Variants in CCDC192 observed in about 807,000 individuals in gnomAD.
CCDC192 encodes the protein coiled-coil domain-containing protein 192.
chr5:127,788,627 G>A (rs1756697337), intron 3 of CCDC192, among the ~76,000 whole-genome samples: 1 of 151,986 alleles, frequency 6.6e-6, no homozygotes, highest in Non-Finnish European at 1.5e-5. Context: ...TTTTGTGTTT[G>A]ATTGATATTT....
In CCDC192 at chr5:127,747,273, C is replaced by A. The variant is rs1269182863; in HGVS notation, c.115-6995C>A. Among the ~76,000 whole-genome samples the A allele has an allele frequency of 1.8e-4, 27 of 151,512 alleles. No individual in the cohort carries two copies. In the East Asian group the frequency reaches 3.3e-3, roughly 19 times the overall value. On this transcript the variant is annotated intron_variant, in intron 2 of 6. Coordinates refer to ENST00000514853, the MANE Select transcript of CCDC192 (RefSeq NM_001317938.2). ...CCTCCCCCCTCTCCCCACCCCGCAA[C>A]AGTCCCCAGAGTGTGATGTTCCCCT... is the stretch of plus-strand genomic sequence containing the variant.
chr5:127,830,861 GTAAAAATTTAAATT>G (rs568567721), intron 5 of CCDC192, among the ~76,000 whole-genome samples: 44 of 151,694 alleles, frequency 2.9e-4, no homozygotes, highest in African/African-American at 1.1e-3. Context: ...TTATGAAAAA[GTAAAAATTTAAATT>G]TATCTAAACA....
Position 127,797,731 on chromosome 5 carries a change from GTATATATATATA to G in CCDC192, c.355-339_355-328del, listed in dbSNP as rs146458343. The stretch of plus-strand genomic sequence containing the variant: ...TATATGGATATGATTTCATGTGAAG[GTATATATATATA>G]TATATATATATATATATATATATAT... On this transcript the variant is annotated intron_variant, in intron 4 of 6. Transcript: ENST00000514853. Among the ~76,000 whole-genome samples the G allele has an allele frequency of 3.8e-3, 81 of 21,054 alleles. 1 individual carries two copies. The highest frequency in any genetic ancestry group is 0.033 in the South Asian group (21 of 638). 13.8% of individuals were successfully genotyped at this position (21,054 alleles called of 152,430 possible).
chr5:127,803,797 T>C (rs942237183), intron 5 of CCDC192, among the ~76,000 whole-genome samples: 5 of 152,170 alleles, frequency 3.3e-5, no homozygotes, highest in African/African-American at 9.7e-5. Flanking sequence ...AAAATGGAAA[T>C]CTGGGTAATT....
In CCDC192 at chr5:127,832,286, G is replaced by A. The variant is rs996031858; in HGVS notation, c.411+34124G>A. On this transcript the variant is annotated intron_variant, in intron 5 of 6. Transcript: ENST00000514853. ...AAAATAGGAAGTCTTGCAAAATGCT[G>A]GTAAGAGTTTACACTGGCGGAATCA... Among the ~76,000 whole-genome samples the A allele has an allele frequency of 3.3e-5, 5 of 152,262 alleles. No homozygotes were observed. In the East Asian group the frequency reaches 9.7e-4, roughly 29 times the overall value.
At chr5:127,722,311 CTT>C (rs200224246) in intron 2 of CCDC192, among the ~76,000 whole-genome samples, 103 of 145,692 alleles carry the variant, frequency 7.1e-4, no homozygotes, top group African/African-American at 2.5e-3. Flanking sequence ...AATTAGAGTA[CTT>C]TTTTTTTTTT....
At chr5:127,745,788 G>A (rs1237556704) in intron 2 of CCDC192, among the ~76,000 whole-genome samples, 1 of 152,124 alleles carries the variant, frequency 6.6e-6, no homozygotes, top group East Asian at 1.9e-4. Context: ...ACCACTGAAA[G>A]TATTCATTTT....
chr5:127,927,104 A>G (rs1346052525), intron 6 of CCDC192, among the ~76,000 whole-genome samples: 2 of 152,138 alleles, frequency 1.3e-5, no homozygotes, highest in African/African-American at 4.8e-5. Context: ...TTAGATTGTA[A>G]TACGTTGACA....
At chr5:127,920,976 G>T (rs1413409693) in intron 6 of CCDC192, among the ~76,000 whole-genome samples, 1 of 151,852 alleles carries the variant, frequency 6.6e-6, no homozygotes, top group Non-Finnish European at 1.5e-5. Context: ...AGGTGAGGCT[G>T]CAGTGAGTCA....
chr5:127,883,446 C>A (rs560330131), intron 6 of CCDC192, among the ~76,000 whole-genome samples: 45 of 152,288 alleles, frequency 3.0e-4, no homozygotes, highest in African/African-American at 1.1e-3. Flanking sequence ...ATTTGCCTTA[C>A]AGAAATAGCT....
chr5:127,780,764 T>G (rs1756166618), intron 3 of CCDC192, among the ~76,000 whole-genome samples: 2 of 152,228 alleles, frequency 1.3e-5, no homozygotes, highest in South Asian at 4.1e-4. Context: ...TTTCTCCCAC[T>G]CTGTGGATTG....
chr5:127,876,256 A>C (rs199900223), intron 6 of CCDC192, among the ~76,000 whole-genome samples: 23 of 18,474 alleles, frequency 1.2e-3, no homozygotes, highest in African/African-American at 3.7e-3. Flanking sequence ...AACAACAAAC[A>C]AAAAAACTCC....
intron 2 of CCDC192, among the ~76,000 whole-genome samples, chr5:127,750,919 A>G (rs1580591879): frequency 6.7e-6 from 1 of 149,938 alleles, no homozygotes; most frequent in African/African-American, 2.4e-5. Context: ...CTGTTTTATC[A>G]GAGACTAAGA....
rs549314545 is a variant in CCDC192 at position 127,843,196 on chromosome 5, G to T, written c.412-32342G>T. 2.7e-5 allele frequency among the ~76,000 whole-genome samples: 4 copies of T among 150,890 alleles called. No individual in the cohort carries two copies. In the South Asian group the frequency reaches 8.4e-4, roughly 32 times the overall value. On this transcript the variant is annotated intron_variant, in intron 5 of 6. Coordinates refer to ENST00000514853, the MANE Select transcript of CCDC192 (RefSeq NM_001317938.2). ...ATTACAGGTGCCCGCCACCATGCCC[G>T]GCTAATTTTTTTTTTGTATTTTTAG...
At chr5:127,723,387 G>C (rs181263908) in intron 2 of CCDC192, among the ~76,000 whole-genome samples, 2 of 152,216 alleles carry the variant, frequency 1.3e-5, no homozygotes, top group African/African-American at 4.8e-5. Context: ...CCAAACATAA[G>C]ATCATATTAT....
chr5:127,800,338 C>A (rs2126976043), intron 5 of CCDC192, among the ~76,000 whole-genome samples: 1 of 101,748 alleles, frequency 9.8e-6, no homozygotes, highest in Non-Finnish European at 1.8e-5. Context: ...AACATTGTCC[C>A]TGAAAAAAAC....
chr5:127,718,385 G>T (rs1751761896), intron 2 of CCDC192, among the ~76,000 whole-genome samples: 1 of 152,164 alleles, frequency 6.6e-6, no homozygotes, highest in South Asian at 2.1e-4. Context: ...AGTGTCTCCA[G>T]ATTTGTTTCA....
At chr5:127,847,279 CAAAATT>C (rs1270657076) in intron 5 of CCDC192, among the ~76,000 whole-genome samples, 2 of 152,192 alleles carry the variant, frequency 1.3e-5, no homozygotes, top group Non-Finnish European at 2.9e-5. Flanking sequence ...CTGATAAAAT[CAAAATT>C]ATTTTTCACA....
intron 6 of CCDC192, among the ~76,000 whole-genome samples, chr5:127,915,903 G>A (rs1486119480): frequency 6.6e-6 from 1 of 152,152 alleles, no homozygotes; most frequent in Non-Finnish European, 1.5e-5. Flanking sequence ...GGTCTGGGGG[G>A]CTGTGGCAAT....
Sources: allele counts gnomAD v4.1 joint callset (sites outside exome capture counted in the v4.1 genomes callset), GRCh38; gene constraint gnomAD v4.1.1; transcripts MANE v1.5; gene names NCBI Gene and HGNC (gene_info 2026-07-23, HGNC 2026-07-21).